Variants in LNX2 observed in about 807,000 individuals in gnomAD.
The protein encoded by LNX2 is ligand of Numb protein X 2.
LNX2 carries 35 observed loss-of-function variants against 66.2 expected under a neutral mutation model. The observed-to-expected ratio is 0.53, with a 90% CI of 0.40 to 0.70. The LOEUF (loss-of-function observed/expected upper bound fraction) is 0.70. Ranked by LOEUF, LNX2 falls within the 30% of genes least tolerant of loss-of-function variation. LNX2 has a pLI of 0.00. For missense variants in LNX2, 791 were observed against 850.8 expected, an observed-to-expected ratio of 0.93 and a Z score of 0.87; for synonymous variants, 337 against 315.6, an observed-to-expected ratio of 1.07 and a Z score of -0.72.
intron 6 of LNX2, 138 bp downstream of exon 6, chr13:27,559,704 A>G: frequency 1.3e-6 from 1 of 772,102 alleles, no homozygotes; most frequent in South Asian, 3.4e-5. Context: ...CAGAATAACA[A>G]CCCTCATTTG....
intron 6 of LNX2, among the ~76,000 whole-genome samples, chr13:27,558,607 T>TA (rs1173535824): frequency 7.9e-5 from 12 of 152,060 alleles, no homozygotes; most frequent in Admixed American, 7.9e-4. Context: ...TTTATATGTA[T>TA]AAAAAACTTG....
At chr13:27,567,920 C>G (rs370878177) in intron 3 of LNX2, 81 bp from the exon 4 acceptor site, 1 of 1,142,096 alleles carries the variant, frequency 8.8e-7, no homozygotes, top group African/African-American at 1.5e-5. Flanking sequence ...TGATTATCTT[C>G]AGGTAAGTAT....
At chr13:27,556,083 T>C (rs1437060716) in intron 7 of LNX2, among the ~76,000 whole-genome samples, 153 bp downstream of exon 7, 1 of 152,208 alleles carries the variant, frequency 6.6e-6, no homozygotes, top group East Asian at 1.9e-4. Context: ...TCTAACCTCA[T>C]AGAATGACTT....
At chr13:27,594,627 T>C (rs1211915153) in intron 1 of LNX2, among the ~76,000 whole-genome samples, 1 of 152,200 alleles carries the variant, frequency 6.6e-6, no homozygotes, top group Non-Finnish European at 1.5e-5. Flanking sequence ...TTTCTCCCAG[T>C]TGTTACAGTA....
chr13:27,557,058 C>T (rs144321575), intron 6 of LNX2, among the ~76,000 whole-genome samples: 10 of 152,198 alleles, frequency 6.6e-5, no homozygotes, highest in African/African-American at 2.4e-4. Flanking sequence ...TTTGTTACTA[C>T]TACTTATTAT....
intron 1 of LNX2, among the ~76,000 whole-genome samples, chr13:27,593,681 C>T (rs919899340): frequency 6.6e-6 from 1 of 150,586 alleles, no homozygotes; most frequent in African/African-American, 2.4e-5. Flanking sequence ...GATTCTCCTG[C>T]CTCAGCCTCC....
At chr13:27,581,084 C>T (rs1460877562) in intron 2 of LNX2, among the ~76,000 whole-genome samples, 1 of 152,184 alleles carries the variant, frequency 6.6e-6, no homozygotes, top group Non-Finnish European at 1.5e-5. Context: ...AGGTATAAAA[C>T]AGTACTTCCT....
chr13:27,614,409 C>G (rs1955805509), intron 1 of LNX2, among the ~76,000 whole-genome samples: 2 of 152,172 alleles, frequency 1.3e-5, no homozygotes, highest in Non-Finnish European at 2.9e-5. Flanking sequence ...CCACTCAGAG[C>G]ATAGGAGTAC....
intron 1 of LNX2, among the ~76,000 whole-genome samples, chr13:27,604,613 ATC>A (rs1395666987): frequency 6.6e-6 from 1 of 152,154 alleles, no homozygotes; most frequent in African/African-American, 2.4e-5. Context: ...TCTTACTCTT[ATC>A]TGTTTTTCCA....
intron 6 of LNX2, 47 bp from the exon 7 acceptor site, chr13:27,556,460 T>C (rs1397818718): frequency 6.6e-7 from 1 of 1,523,280 alleles, no homozygotes; most frequent in South Asian, 1.2e-5. Flanking sequence ...TAAAATATAG[T>C]TGAAGTAAAG....
intron 2 of LNX2, among the ~76,000 whole-genome samples, chr13:27,581,023 G>A (rs1955391146): frequency 6.6e-6 from 1 of 152,246 alleles, no homozygotes; most frequent in Middle Eastern, 3.4e-3. Flanking sequence ...ATAATATCCT[G>A]TCATCTATTT....
chr13:27,563,889 T>C (rs1955172304), intron 4 of LNX2, among the ~76,000 whole-genome samples: 1 of 152,202 alleles, frequency 6.6e-6, no homozygotes, highest in Admixed American at 6.5e-5. Flanking sequence ...ACAAACTTGC[T>C]TTCTCCCAAG....
At position 27,556,598 on chromosome 13, in the gene LNX2, G is replaced by T. The variant is rs115354200; in HGVS notation, c.1369-185C>A. Reference sequence around the variant, plus strand: ...TGCTGTGGATCAATGTCAAATTTTGGACTATGTTATTTTCATGACTGTTTA... The same window carrying T: ...TGCTGTGGATCAATGTCAAATTTTGTACTATGTTATTTTCATGACTGTTTA... On this transcript the variant is annotated intron_variant, in intron 6 of 9. Coordinates refer to ENST00000316334, the MANE Select transcript of LNX2 (RefSeq NM_153371.4). Among the ~76,000 whole-genome samples the T allele has an allele frequency of 8.4e-3, 1,278 of 152,100 alleles. 14 individuals are homozygous for T. The highest frequency in any genetic ancestry group is 0.029 in the African/African-American group (1,186 of 41,478).
At chr13:27,596,478 ATGG>A (rs1955600218) in intron 1 of LNX2, among the ~76,000 whole-genome samples, 1 of 152,172 alleles carries the variant, frequency 6.6e-6, no homozygotes, top group Non-Finnish European at 1.5e-5. Context: ...AACAGAAAAG[ATGG>A]TGAACAGGAA....
chr13:27,588,300 A>C (rs566288336), intron 1 of LNX2, among the ~76,000 whole-genome samples: 3 of 152,212 alleles, frequency 2.0e-5, no homozygotes, highest in Non-Finnish European at 4.4e-5. Context: ...TGGGTAAACA[A>C]ATTGTGGCAC....
chr13:27,591,252 T>G (rs1195765613), intron 1 of LNX2, among the ~76,000 whole-genome samples: 1 of 152,212 alleles, frequency 6.6e-6, no homozygotes. Context: ...GAAAATACAT[T>G]GTAATTCATT....
chr13:27,579,975 C>T (rs1042371836), intron 2 of LNX2, among the ~76,000 whole-genome samples: 3 of 152,192 alleles, frequency 2.0e-5, no homozygotes, highest in Non-Finnish European at 4.4e-5. Context: ...TATCTTACCT[C>T]CTAGTTCTAG....
chr13:27,609,855 A>G (rs182456110), intron 1 of LNX2, among the ~76,000 whole-genome samples: 4 of 152,356 alleles, frequency 2.6e-5, no homozygotes, highest in Admixed American at 6.5e-5. Context: ...ATACTCCATT[A>G]AAAACAGAAA....
chr13:27,593,461 G>C (rs888550584), intron 1 of LNX2, among the ~76,000 whole-genome samples: 2 of 151,504 alleles, frequency 1.3e-5, no homozygotes, highest in African/African-American at 4.9e-5. Flanking sequence ...GGTTATGAAT[G>C]TCTAACTGCT....
Sources: gnomAD v4.1 joint callset for allele counts (sites outside exome capture counted in the v4.1 genomes callset) on GRCh38, gnomAD v4.1.1 for gene constraint, MANE v1.5 for transcripts, NCBI Gene and HGNC (gene_info 2026-07-23, HGNC 2026-07-21) for gene names.